The following DYSF variants were observed in gnomAD, a reference collection of about 807,000 sequenced individuals.
DYSF encodes the protein dystrophy-associated fer-1-like 1.
DYSF carries 212 observed loss-of-function variants against 274.9 expected under a neutral mutation model. That is an observed-to-expected ratio of 0.77 (90% confidence interval 0.69 to 0.86). The LOEUF (loss-of-function observed/expected upper bound fraction) is 0.86, where lower values mean the gene tolerates loss of function less well. Among genes scored for constraint, DYSF ranks in the 40% least tolerant of loss-of-function variants. The pLI is 0.00. For synonymous variants in DYSF, 1,091 were observed against 1,078.7 expected (o/e 1.01, Z -0.22); for missense variants, 2,666 against 2,783.2 (o/e 0.96, Z 0.95).
chr2:71,671,809 A>G (rs150081059), intron 51 of DYSF, among the ~76,000 whole-genome samples: 99 of 152,298 alleles, frequency 6.5e-4, no homozygotes, highest in African/African-American at 2.3e-3. Flanking sequence ...TTGTCTCTGC[A>G]TCATAGGGCC....
At chr2:71,519,437 G>T (rs1475126904) in intron 10 of DYSF, among the ~76,000 whole-genome samples, 6 of 152,126 alleles carry the variant, frequency 3.9e-5, no homozygotes, top group Admixed American at 3.9e-4. Context: ...TAGGTTCACA[G>T]CAAAAATTAA....
At chr2:71,537,859 C>A (rs780704480) in intron 16 of DYSF, among the ~76,000 whole-genome samples, 4 of 152,138 alleles carry the variant, frequency 2.6e-5, no homozygotes, top group Non-Finnish European at 4.4e-5. Flanking sequence ...GTCTACGGGG[C>A]ACCAAGAAGA....
exon 1 of DYSF, chr2:71,454,075 C>A: frequency 6.2e-7 from 1 of 1,614,034 alleles, no homozygotes; most frequent in South Asian, 1.1e-5. Flanking sequence ...TACTGCTCCG[C>A]GGTGTTTGCA....
At chr2:71,453,600 C>A (rs1487509039) in exon 1 of DYSF, 2 of 334,380 alleles carry the variant, frequency 6.0e-6, no homozygotes, top group Admixed American at 8.1e-5. Flanking sequence ...GCGCCCGGAG[C>A]CCTAGTCCAG....
At chr2:71,609,693 T>A (rs534791277) in intron 36 of DYSF, among the ~76,000 whole-genome samples, 55 of 152,358 alleles carry the variant, frequency 3.6e-4, no homozygotes, top group African/African-American at 1.3e-3. Context: ...GGTCTGATTC[T>A]AGGACTAAGC....
At chr2:71,676,048 C>T (rs924644076) in intron 52 of DYSF, among the ~76,000 whole-genome samples, 1 of 152,130 alleles carries the variant, frequency 6.6e-6, no homozygotes, top group African/African-American at 2.4e-5. Context: ...TTGTCATAGA[C>T]GTGGGCCCTG....
chr2:71,617,757 AGGT>A (rs1226345665), intron 40 of DYSF, among the ~76,000 whole-genome samples: 12 of 72,844 alleles, frequency 1.6e-4, no homozygotes, highest in South Asian at 5.0e-4. Flanking sequence ...TGTGGGGTAG[AGGT>A]GGTGTGTGTG....
intron 12 of DYSF, among the ~76,000 whole-genome samples, chr2:71,523,525 C>T (rs114227942): frequency 0.012 from 1,841 of 151,350 alleles, 38 homozygotes; most frequent in African/African-American, 0.042. Context: ...CACCTATCCC[C>T]ACCTTATCAC....
At position 71,665,316 on chromosome 2, in the gene DYSF, C is replaced by T; in HGVS notation, c.5317+12C>T. ...CATTGAAGAGATAGGTGAGCTGCCA[C>T]ATGACCCCAAACCATGGTGGGCTCT... On this transcript the variant is annotated intron_variant, in intron 47 of 55. Transcript: ENST00000410020. 6.2e-7 allele frequency: 1 copy of T among 1,614,144 alleles called. No homozygotes were observed. Among genetic ancestry groups the T allele is most frequent in the South Asian group, 1.1e-5 (1 of 91,086 alleles).
chr2:71,505,869 C>A (rs1023695680), intron 4 of DYSF, among the ~76,000 whole-genome samples: 2 of 152,218 alleles, frequency 1.3e-5, no homozygotes, highest in Non-Finnish European at 2.9e-5. Flanking sequence ...CCTACGAAGC[C>A]CAGTGGTGTG....
chr2:71,669,307 G>A, intron 50 of DYSF, 100 bp downstream of exon 50: 1 of 1,115,982 alleles, frequency 9.0e-7, no homozygotes, highest in Non-Finnish European at 1.3e-6. Context: ...GGGAAGGGAA[G>A]AACAAACAAA....
intron 16 of DYSF, among the ~76,000 whole-genome samples, chr2:71,536,579 G>C (rs1321754348): frequency 6.6e-6 from 1 of 152,228 alleles, no homozygotes; most frequent in African/African-American, 2.4e-5. Context: ...GATGTGAGTG[G>C]GTGCGGTTGT....
intron 50 of DYSF, 73 bp downstream of exon 50, chr2:71,669,280 C>CG (rs936962025): frequency 4.6e-6 from 6 of 1,292,598 alleles, no homozygotes; most frequent in South Asian, 1.3e-5. Context: ...GTGCACAGCA[C>CG]GGGGGGCTCT....
intron 51 of DYSF, among the ~76,000 whole-genome samples, chr2:71,671,957 A>G (rs756089438): frequency 8.5e-5 from 13 of 152,142 alleles, no homozygotes; most frequent in Non-Finnish European, 1.9e-4. Context: ...TGAGAAGCCC[A>G]CAGGGGAGCA....
intron 10 of DYSF, among the ~76,000 whole-genome samples, chr2:71,517,507 C>T (rs190738652): frequency 1.3e-3 from 205 of 151,984 alleles, no homozygotes; most frequent in African/African-American, 4.6e-3. Flanking sequence ...TGTATAGCAC[C>T]TTTGGTCACA....
intron 1 of DYSF, among the ~76,000 whole-genome samples, chr2:71,458,173 C>T (rs1389124677): frequency 6.6e-6 from 1 of 152,176 alleles, no homozygotes; most frequent in African/African-American, 2.4e-5. Flanking sequence ...TTGGATGAAT[C>T]ATTCTGGAGA....
intron 41 of DYSF, among the ~76,000 whole-genome samples, chr2:71,630,828 T>A (rs6760990): frequency 3.1e-3 from 474 of 152,346 alleles, no homozygotes; most frequent in African/African-American, 0.011. Context: ...TGTCAGTGTT[T>A]ACTCCTTACT....
intron 14 of DYSF, among the ~76,000 whole-genome samples, chr2:71,531,231 C>T (rs1265532485): frequency 6.6e-6 from 1 of 152,084 alleles, no homozygotes; most frequent in Non-Finnish European, 1.5e-5. Context: ...GTTTGTATTA[C>T]CTACCCTGTT....
At chr2:71,523,734 A>G (rs1184361239) in intron 12 of DYSF, among the ~76,000 whole-genome samples, 1 of 151,792 alleles carries the variant, frequency 6.6e-6, no homozygotes, top group Admixed American at 6.6e-5. Context: ...TTTAGTAGAG[A>G]CGGGGTTTCA....
Sources: allele counts gnomAD v4.1 joint callset (sites outside exome capture counted in the v4.1 genomes callset), GRCh38; gene constraint gnomAD v4.1.1; transcripts MANE v1.5; gene names NCBI Gene and HGNC (gene_info 2026-07-23, HGNC 2026-07-21).